The following PTK2 variants were observed in gnomAD, a reference collection of about 807,000 sequenced individuals.
The protein encoded by PTK2 is protein tyrosine kinase 2, also known as focal adhesion kinase 1.
A neutral mutation model predicts 150.1 loss-of-function variants in PTK2; 45 were observed. The observed-to-expected ratio is 0.30, with a 90% confidence interval of 0.24 to 0.38. The LOEUF is 0.38. Ranked by LOEUF, PTK2 falls within the 10% of genes least tolerant of loss-of-function variation. The probability of loss-of-function intolerance (pLI) is 1.00; values close to 1 mark genes in which losing one functional copy is unlikely to be tolerated. For synonymous variants in PTK2, 432 were observed against 449.2 expected (o/e 0.96, Z 0.48); for missense variants, 919 against 1,307.3 (o/e 0.70, Z 4.58).
chr8:140,826,010 G>T (rs777070486), intron 8 of PTK2, among the ~76,000 whole-genome samples: 6 of 152,040 alleles, frequency 3.9e-5, no homozygotes, highest in Non-Finnish European at 7.4e-5. Context: ...GCTAATCCAA[G>T]TTTCACTAAA....
At chr8:140,954,929 C>T (rs1050082064) in intron 1 of PTK2, 3 of 152,050 alleles carry the variant, frequency 2.0e-5, no homozygotes, top group African/African-American at 7.2e-5. Flanking sequence ...TTAGCTTCTT[C>T]ACTGCTTACC....
At chr8:140,878,527 G>A (rs550145601) in intron 4 of PTK2, among the ~76,000 whole-genome samples, 65 of 152,202 alleles carry the variant, frequency 4.3e-4, no homozygotes, top group African/African-American at 5.3e-4. Flanking sequence ...TTGAGCCCAA[G>A]AGGCTGCAGT....
At chr8:140,962,874 C>T (rs1034138715) in intron 1 of PTK2, among the ~76,000 whole-genome samples, 22 of 144,920 alleles carry the variant, frequency 1.5e-4, no homozygotes, top group East Asian at 2.0e-4. Flanking sequence ...CCTTGTAGGT[C>T]CCCCCCCCCA....
At chr8:140,803,618 T>C (rs761560501) in exon 11 of PTK2, 2 of 1,614,092 alleles carry the variant, frequency 1.2e-6, no homozygotes, top group Non-Finnish European at 8.5e-7. Flanking sequence ...ACTGAATGGT[T>C]TGCACTTGAG....
intron 2 of PTK2, among the ~76,000 whole-genome samples, chr8:140,904,471 G>A (rs377496491): frequency 1.3e-5 from 2 of 152,076 alleles, no homozygotes; most frequent in East Asian, 1.9e-4. Context: ...TTTTTCTTGT[G>A]TGTCTGCCAA....
At chr8:140,784,197 T>C (rs942815179) in intron 14 of PTK2, among the ~76,000 whole-genome samples, 11 of 152,192 alleles carry the variant, frequency 7.2e-5, no homozygotes, top group African/African-American at 2.2e-4. Flanking sequence ...CCCTTTAGCA[T>C]GAAGGGCTTA....
intron 14 of PTK2, among the ~76,000 whole-genome samples, chr8:140,778,953 G>A (rs1490801063): frequency 6.6e-6 from 1 of 152,054 alleles, no homozygotes; most frequent in African/African-American, 2.4e-5. Context: ...CAGCACCACT[G>A]GAAGAATGGA....
At chr8:140,746,464 G>C (rs777900021) in intron 18 of PTK2, 1 of 257,076 alleles carries the variant, frequency 3.9e-6, no homozygotes, top group Non-Finnish European at 7.3e-6. Context: ...TAGTTTTTTA[G>C]GCAATGGCAC....
chr8:140,937,974 T>C (rs1221541667), intron 1 of PTK2, among the ~76,000 whole-genome samples: 1 of 152,120 alleles, frequency 6.6e-6, no homozygotes, highest in Non-Finnish European at 1.5e-5. Flanking sequence ...TGTTGAAAAA[T>C]ATACTCAGTA....
chr8:140,802,831 C>T (rs182049311), intron 11 of PTK2, among the ~76,000 whole-genome samples: 31 of 152,106 alleles, frequency 2.0e-4, no homozygotes, highest in Middle Eastern at 3.4e-3. Context: ...TATTGTATAG[C>T]CTAGGTGTAC....
At position 140,666,065 on chromosome 8, in the gene PTK2, C is replaced by T. The variant is rs142863029; in HGVS notation, c.2866-1068G>A. Among the ~76,000 whole-genome samples the T allele has an allele frequency of 5.3e-3, 800 of 152,322 alleles. 10 individuals carry two copies. The East Asian group carries it at 0.072, about 14-fold the overall frequency. The stretch of plus-strand genomic sequence containing the variant: ...AAAAAACAGTTGTAGGGGCCAGGCG[C>T]AGTGGCTCATGCCTGTAATCCCAGG... On this transcript the variant is annotated intron_variant, in intron 30 of 31. Transcript: ENST00000522684.
At chr8:140,856,277 A>G (rs901140587) in intron 5 of PTK2, among the ~76,000 whole-genome samples, 1 of 152,218 alleles carries the variant, frequency 6.6e-6, no homozygotes, top group Admixed American at 6.5e-5. Flanking sequence ...ATCAAAGGGT[A>G]GATACAAATT....
At chr8:140,784,104 G>T (rs2100083458) in intron 14 of PTK2, among the ~76,000 whole-genome samples, 1 of 152,204 alleles carries the variant, frequency 6.6e-6, no homozygotes, top group Admixed American at 6.5e-5. Context: ...GGCGGAGGTT[G>T]CAGTGAGCCA....
At chr8:140,934,585 G>A (rs1434868016) in intron 1 of PTK2, 4 of 152,148 alleles carry the variant, frequency 2.6e-5, no homozygotes, top group South Asian at 2.1e-4. Flanking sequence ...AGATCCTCCA[G>A]TGGCTTCCCA....
At chr8:140,858,243 C>CT (rs1298797026) in intron 5 of PTK2, among the ~76,000 whole-genome samples, 1 of 151,668 alleles carries the variant, frequency 6.6e-6, no homozygotes, top group Non-Finnish European at 1.5e-5. Context: ...GAAAAACAAG[C>CT]TAACACATAT....
chr8:140,925,097 T>C (rs931304380), intron 2 of PTK2, among the ~76,000 whole-genome samples: 34 of 151,940 alleles, frequency 2.2e-4, no homozygotes, highest in Non-Finnish European at 4.7e-4. Flanking sequence ...AGCCTAACTT[T>C]CACATTTCTC....
chr8:140,972,509 C>T lies in PTK2; in HGVS notation c.-122+28616G>A, dbSNP rs373478089. On this transcript the variant is annotated intron_variant, in intron 1 of 31. Coordinates refer to ENST00000522684, the Ensembl canonical transcript of PTK2. Reference sequence around the variant, plus strand: ...TTAACTCCTGACCTCAAGTGATCTGCCTCCCTCCGCCTCCCAAAGTGCTGG... The same window carrying T: ...TTAACTCCTGACCTCAAGTGATCTGTCTCCCTCCGCCTCCCAAAGTGCTGG... Among the ~76,000 whole-genome samples the T allele has an allele frequency of 2.0e-5, 3 of 152,316 alleles. No individual in the cohort carries two copies. The East Asian group carries it at 5.8e-4, about 29-fold the overall frequency.
rs557813386 is a variant in PTK2 at position 140,664,673 on chromosome 8, T to A, written c.2946+244A>T. ...CTTGCATAGTGGCTCTGCAGTGGACTAGCAGCAGGAAGACCCAGGATCTGG... is the reference window on the plus strand; with the variant it reads ...CTTGCATAGTGGCTCTGCAGTGGACAAGCAGCAGGAAGACCCAGGATCTGG... On this transcript the variant is annotated intron_variant, in intron 31 of 31. Transcript: ENST00000522684. Among the ~76,000 whole-genome samples the A allele has an allele frequency of 2.0e-5, 3 of 152,286 alleles. No homozygotes were observed. The South Asian group carries it at 6.2e-4, about 32-fold the overall frequency.
At chr8:140,839,031 T>TAAGTAA (rs947154623) in intron 7 of PTK2, among the ~76,000 whole-genome samples, 24 of 150,318 alleles carry the variant, frequency 1.6e-4, no homozygotes, top group African/African-American at 5.4e-4. Flanking sequence ...AAAAAACTTA[T>TAAGTAA]AAGTAAAAGT....
Sources: gnomAD v4.1 joint callset for allele counts (sites outside exome capture counted in the v4.1 genomes callset) on GRCh38, gnomAD v4.1.1 for gene constraint, MANE v1.5 for transcripts, NCBI Gene and HGNC (gene_info 2026-07-23, HGNC 2026-07-21) for gene names.